SYT1: variants seen among roughly 807,000 people sequenced by gnomAD.
SYT1 encodes the protein synaptotagmin-1.
In SYT1, 8 loss-of-function variants were observed where a neutral mutation model predicts 44.8. That is an observed-to-expected ratio of 0.18 (90% CI 0.10 to 0.32). The LOEUF (loss-of-function observed/expected upper bound fraction) is 0.32. Among genes scored for constraint, SYT1 ranks in the 10% least tolerant of loss-of-function variants. SYT1 has a pLI of 1.00. For missense variants in SYT1, 286 were observed against 509.3 expected (o/e 0.56, Z 4.22); for synonymous variants, 154 against 188.8 (o/e 0.82, Z 1.51).
At chr12:79,363,602 G>A (rs2136030326) in intron 9 of SYT1, among the ~76,000 whole-genome samples, 1 of 151,648 alleles carries the variant, frequency 6.6e-6, no homozygotes, top group South Asian at 2.1e-4. Flanking sequence ...AGGAATGGTA[G>A]CGCACACCTG....
chr12:79,238,894 A>G (rs1236019770), intron 4 of SYT1, among the ~76,000 whole-genome samples: 8 of 152,194 alleles, frequency 5.3e-5, no homozygotes, highest in African/African-American at 1.7e-4. Flanking sequence ...GACCTCATTA[A>G]CAAATTTGCG....
At chr12:78,900,911 G>A (rs1442173180) in intron 1 of SYT1, among the ~76,000 whole-genome samples, 2 of 152,020 alleles carry the variant, frequency 1.3e-5, no homozygotes, top group Admixed American at 1.3e-4. Flanking sequence ...ATTGCGGTTT[G>A]TCAGAACACT....
chr12:79,001,927 A>G (rs562718380), intron 2 of SYT1, among the ~76,000 whole-genome samples: 16 of 152,110 alleles, frequency 1.1e-4, no homozygotes, highest in Non-Finnish European at 2.4e-4. Context: ...TAAAAAGAGT[A>G]CATGGATTAA....
chr12:79,123,096 T>C (rs1868306545), intron 3 of SYT1, among the ~76,000 whole-genome samples: 1 of 152,232 alleles, frequency 6.6e-6, no homozygotes, highest in Non-Finnish European at 1.5e-5. Context: ...AAAATATCTC[T>C]TAAAAGCTTC....
At chr12:78,989,274 A>G (rs961947079) in intron 2 of SYT1, among the ~76,000 whole-genome samples, 1 of 152,166 alleles carries the variant, frequency 6.6e-6, no homozygotes, top group Non-Finnish European at 1.5e-5. Context: ...GAAGATATCA[A>G]ATTAGGATTT....
At chr12:79,176,470 G>A (rs771759364) in intron 3 of SYT1, among the ~76,000 whole-genome samples, 6 of 151,918 alleles carry the variant, frequency 3.9e-5, no homozygotes, top group Non-Finnish European at 8.8e-5. Flanking sequence ...GAGTTATGGT[G>A]TTTTATCTTC....
intron 9 of SYT1, among the ~76,000 whole-genome samples, chr12:79,399,306 T>TTTG (rs1884989479): frequency 6.7e-6 from 1 of 149,292 alleles, no homozygotes; most frequent in Non-Finnish European, 1.5e-5. Flanking sequence ...TTTTTTTTTT[T>TTTG]GCCTTTCAAA....
intron 3 of SYT1, among the ~76,000 whole-genome samples, chr12:79,146,184 A>G (rs1869900587): frequency 1.3e-5 from 2 of 152,170 alleles, no homozygotes; most frequent in Admixed American, 1.3e-4. Flanking sequence ...CTGTGTCCTA[A>G]CCATCTTTCA....
rs140281572 is a variant in SYT1 at position 79,436,706 on chromosome 12, T to C, written c.929-7367T>C. On this transcript the variant is annotated intron_variant, in intron 9 of 10. Transcript: ENST00000261205. The stretch of plus-strand genomic sequence containing the variant: ...CTGCCTGAGAAGAGGGGGGTGGTGA[T>C]AACATTCTAGTGTATTGAAGTAGGG... 3.9e-4 allele frequency among the ~76,000 whole-genome samples: 60 copies of C among 152,292 alleles called. No individual in the cohort carries two copies. The East Asian group carries it at 0.011, about 28-fold the overall frequency.
chr12:79,001,689 G>T (rs774112503), intron 2 of SYT1, among the ~76,000 whole-genome samples: 1 of 152,152 alleles, frequency 6.6e-6, no homozygotes, highest in Non-Finnish European at 1.5e-5. Flanking sequence ...TCTGTTCTTA[G>T]TGTCAGTGAT....
intron 1 of SYT1, among the ~76,000 whole-genome samples, chr12:78,876,664 C>A (rs1288202091): frequency 8.9e-6 from 1 of 111,952 alleles, no homozygotes; most frequent in East Asian, 2.4e-4. Context: ...CACGTGTGCA[C>A]ATGTGTACAT....
chr12:79,380,044 C>T (rs761882453), intron 9 of SYT1, among the ~76,000 whole-genome samples: 1 of 152,160 alleles, frequency 6.6e-6, no homozygotes, highest in African/African-American at 2.4e-5. Flanking sequence ...CAGAAACAAT[C>T]TGACATTTTT....
At chr12:78,980,991 G>C (rs1244181527) in intron 2 of SYT1, among the ~76,000 whole-genome samples, 1 of 151,982 alleles carries the variant, frequency 6.6e-6, no homozygotes, top group Non-Finnish European at 1.5e-5. Flanking sequence ...TCAAGTATGA[G>C]TGGCCAACAG....
chr12:79,407,331 T>G (rs1448297088), intron 9 of SYT1, among the ~76,000 whole-genome samples: 2 of 152,040 alleles, frequency 1.3e-5, no homozygotes, highest in Non-Finnish European at 2.9e-5. Context: ...TCTTCCAGTT[T>G]TGAGAAGAAA....
intron 2 of SYT1, among the ~76,000 whole-genome samples, chr12:79,028,267 C>T (rs74874196): frequency 0.074 from 11,194 of 151,402 alleles, 516 homozygotes; most frequent in East Asian, 0.15. Flanking sequence ...TATTTCTTCA[C>T]TTCAATACAA....
chr12:79,058,355 T>C (rs1480713079), intron 3 of SYT1, among the ~76,000 whole-genome samples: 2 of 152,086 alleles, frequency 1.3e-5, no homozygotes, highest in Non-Finnish European at 2.9e-5. Flanking sequence ...TGTTTCTCCA[T>C]TTTTCCTGAT....
At chr12:78,923,415 CAG>C (rs1471768580) in intron 1 of SYT1, among the ~76,000 whole-genome samples, 1 of 151,842 alleles carries the variant, frequency 6.6e-6, no homozygotes, top group Non-Finnish European at 1.5e-5. Flanking sequence ...GCTGACAAGA[CAG>C]AGAAAGTAGT....
chr12:78,957,335 T>C (rs1317475759), intron 1 of SYT1, among the ~76,000 whole-genome samples: 1 of 152,150 alleles, frequency 6.6e-6, no homozygotes, highest in Non-Finnish European at 1.5e-5. Flanking sequence ...ACCTAAGAAG[T>C]AGTTACTTTT....
chr12:79,348,998 GGAAAGAAAGAAAGAAA>G (rs71865653), intron 8 of SYT1, among the ~76,000 whole-genome samples: 47 of 125,422 alleles, frequency 3.7e-4, no homozygotes, highest in South Asian at 8.4e-4. Flanking sequence ...AAAGAGAGAA[GGAAAGAAAGAAAGAAA>G]GAAAGAAAGA....
Sources: allele counts gnomAD v4.1 joint callset (sites outside exome capture counted in the v4.1 genomes callset), GRCh38; gene constraint gnomAD v4.1.1; transcripts MANE v1.5; gene names NCBI Gene and HGNC (gene_info 2026-07-23, HGNC 2026-07-21).